Variants in JAKMIP2 observed in about 807,000 individuals in gnomAD.
The protein encoded by JAKMIP2 is janus kinase and microtubule interacting protein 2.
In JAKMIP2, 25 loss-of-function variants were observed where a neutral mutation model predicts 115.0. That is an observed-to-expected ratio of 0.22 (90% CI 0.16 to 0.30). The LOEUF is 0.30. Among genes scored for constraint, JAKMIP2 ranks in the 10% least tolerant of loss-of-function variants. JAKMIP2 has a pLI of 1.00. For missense variants in JAKMIP2, 642 were observed against 957.6 expected (o/e 0.67, Z 4.35); for synonymous variants, 334 against 343.6 (o/e 0.97, Z 0.31).
chr5:147,585,737 T>C lies in JAKMIP2; in HGVS notation c.*5970A>G, dbSNP rs1754841291. 1 of 152,170 alleles carries C rather than the reference T, an allele frequency of 6.6e-6. No homozygotes were observed. The highest frequency in any genetic ancestry group is 1.5e-5 in the Non-Finnish European group (1 of 68,042). The allele number at this position is 152,170 out of a possible 1,614,324, so 9.4% of individuals were successfully genotyped here. On this transcript the variant is annotated 3_prime_UTR_variant, in exon 22 of 22. Transcript: ENST00000616793. ...AAAGAACCCCAATTGAGGCAGTTGATTGAATGAAAGCTCTGTGAAATTGGA... is the reference window on the plus strand; with the variant it reads ...AAAGAACCCCAATTGAGGCAGTTGACTGAATGAAAGCTCTGTGAAATTGGA...
chr5:147,708,660 G>A (rs1246651298), intron 1 of JAKMIP2, among the ~76,000 whole-genome samples: 3 of 152,106 alleles, frequency 2.0e-5, no homozygotes, highest in African/African-American at 4.8e-5. Context: ...TCCTGAAATC[G>A]AGATGCTTTT....
At chr5:147,751,204 T>C (rs1414829589) in intron 1 of JAKMIP2, among the ~76,000 whole-genome samples, 2 of 151,556 alleles carry the variant, frequency 1.3e-5, no homozygotes, top group East Asian at 3.9e-4. Flanking sequence ...CCCAAGCAGC[T>C]GGGATTATAG....
At chr5:147,758,114 T>C (rs993082714) in intron 1 of JAKMIP2, among the ~76,000 whole-genome samples, 3 of 152,116 alleles carry the variant, frequency 2.0e-5, no homozygotes, top group African/African-American at 7.2e-5. Context: ...CACGGTTTAG[T>C]AAAGATTCAG....
intron 1 of JAKMIP2, among the ~76,000 whole-genome samples, chr5:147,703,799 A>G (rs1755974839): frequency 6.6e-6 from 1 of 151,952 alleles, no homozygotes; most frequent in African/African-American, 2.4e-5. Flanking sequence ...TTTAATTTTT[A>G]AACTTCTGAC....
At chr5:147,732,794 G>A (rs12653715) in intron 1 of JAKMIP2, among the ~76,000 whole-genome samples, 2 of 152,140 alleles carry the variant, frequency 1.3e-5, no homozygotes, top group South Asian at 4.2e-4. Flanking sequence ...GGGATCACAC[G>A]ATTTAAACCC....
chr5:147,651,953 T>C (rs772747180), intron 3 of JAKMIP2, among the ~76,000 whole-genome samples: 6 of 152,218 alleles, frequency 3.9e-5, no homozygotes, highest in Non-Finnish European at 5.9e-5. Flanking sequence ...TTAACATAGC[T>C]CTAGTTACTT....
chr5:147,645,094 T>C (rs1758071912), intron 5 of JAKMIP2, 98 bp from the exon 6 acceptor site: 1 of 1,089,154 alleles, frequency 9.2e-7, no homozygotes, highest in Admixed American at 2.1e-5. Context: ...GAGACAGCCT[T>C]GTCTCTGCTT....
At position 147,590,584 on chromosome 5, in the gene JAKMIP2, G is replaced by A. The variant is rs978178967; in HGVS notation, c.*1123C>T. 4 of 152,260 alleles carry A rather than the reference G, an allele frequency of 2.6e-5. No individual in the cohort carries two copies. Among genetic ancestry groups the A allele is most frequent in the South Asian group, 2.1e-4 (1 of 4,830 alleles). The allele number at this position is 152,260 out of a possible 1,614,324, so 9.4% of individuals were successfully genotyped here. A position where few individuals can be genotyped will look rare whatever the true frequency, so the allele number is the denominator to read the frequency against. On this transcript the variant is annotated 3_prime_UTR_variant, in exon 22 of 22. Coordinates refer to ENST00000616793, the MANE Select transcript of JAKMIP2 (RefSeq NM_001270941.2). ...GGATTCTTTAAAAAATAATAGTTTA[G>A]TTTAATATTCACATCTCTGTGGCAA...
rs550076187 is a variant in JAKMIP2 at position 147,702,583 on chromosome 5, A to G, written c.-148-30629T>C. ...AAGAAAGAAAGAAAGAAAGAAGGAA[A>G]GAAAGAAAGAAAGAAAGAAGGAAAG... On this transcript the variant is annotated intron_variant, in intron 1 of 21. Coordinates refer to ENST00000616793, the MANE Select transcript of JAKMIP2 (RefSeq NM_001270941.2). 2.4e-3 allele frequency among the ~76,000 whole-genome samples: 288 copies of G among 120,004 alleles called. 1 individual carries two copies. The highest frequency in any genetic ancestry group is 0.011 in the East Asian group (42 of 3,786). The allele number at this position is 120,004 out of a possible 152,430, so 78.7% of individuals were successfully genotyped here.
intron 1 of JAKMIP2, among the ~76,000 whole-genome samples, chr5:147,710,575 AT>A (rs1242601242): frequency 6.6e-6 from 1 of 152,200 alleles, no homozygotes; most frequent in Non-Finnish European, 1.5e-5. Flanking sequence ...TAAAATAAAG[AT>A]TATAATACTT....
chr5:147,630,307 TTGAAGCAGC>T (rs1757298295), intron 14 of JAKMIP2, among the ~76,000 whole-genome samples: 1 of 152,164 alleles, frequency 6.6e-6, no homozygotes, highest in Non-Finnish European at 1.5e-5. Context: ...TTGAGTCAGT[TTGAAGCAGC>T]TGAACTCCAT....
intron 1 of JAKMIP2, among the ~76,000 whole-genome samples, chr5:147,746,308 C>G (rs923622131): frequency 9.2e-5 from 14 of 152,158 alleles, no homozygotes; most frequent in Admixed American, 9.2e-4. Flanking sequence ...TCATCAAATT[C>G]TCTCCCAGAA....
chr5:147,710,860 C>T (rs1752750977), intron 1 of JAKMIP2, among the ~76,000 whole-genome samples: 1 of 152,118 alleles, frequency 6.6e-6, no homozygotes, highest in African/African-American at 2.4e-5. Context: ...TATCTTGATG[C>T]AGATTTCTGA....
At chr5:147,658,265 G>A (rs566436587) in intron 3 of JAKMIP2, among the ~76,000 whole-genome samples, 1 of 152,250 alleles carries the variant, frequency 6.6e-6, no homozygotes, top group East Asian at 1.9e-4. Context: ...AAACAGTCAG[G>A]CCTTTCTTCT....
At chr5:147,640,041 A>G (rs532662377) in intron 9 of JAKMIP2, among the ~76,000 whole-genome samples, 1 of 152,320 alleles carries the variant, frequency 6.6e-6, no homozygotes, top group East Asian at 1.9e-4. Context: ...AATGTAGTCA[A>G]TTTTGGATCC....
chr5:147,741,352 G>C (rs1754135574), intron 1 of JAKMIP2, among the ~76,000 whole-genome samples: 1 of 151,952 alleles, frequency 6.6e-6, no homozygotes, highest in Admixed American at 6.6e-5. Flanking sequence ...ATATCAAAAT[G>C]CTCTTTCTTT....
chr5:147,646,578 TA>T (rs1222131675), intron 5 of JAKMIP2, among the ~76,000 whole-genome samples: 1 of 151,962 alleles, frequency 6.6e-6, no homozygotes, highest in Non-Finnish European at 1.5e-5. Context: ...ACACCTTAAA[TA>T]AAACACAGAA....
chr5:147,673,245 T>G (rs1302059459), intron 1 of JAKMIP2, among the ~76,000 whole-genome samples: 1 of 151,942 alleles, frequency 6.6e-6, no homozygotes. Context: ...CCCAGAAAAA[T>G]AGGAATACTA....
At chr5:147,669,364 T>G (rs567052841) in intron 2 of JAKMIP2, among the ~76,000 whole-genome samples, 1 of 152,262 alleles carries the variant, frequency 6.6e-6, no homozygotes, top group East Asian at 1.9e-4. Context: ...TGCTCTCATT[T>G]AAGAGGCTGG....
Sources: allele counts gnomAD v4.1 joint callset (sites outside exome capture counted in the v4.1 genomes callset), GRCh38; gene constraint gnomAD v4.1.1; transcripts MANE v1.5; gene names NCBI Gene and HGNC (gene_info 2026-07-23, HGNC 2026-07-21).